Variants in ZDHHC13 observed in about 807,000 individuals in gnomAD.
The protein encoded by ZDHHC13 is zDHHC palmitoyltransferase 13.
ZDHHC13 carries 85 observed loss-of-function variants against 86.0 expected under a neutral mutation model. The ratio of observed to expected loss-of-function variants is 0.99; its 90% confidence interval spans 0.83 to 1.18. The LOEUF is 1.18. ZDHHC13 is among the 50% of genes most tolerant of loss of function. The probability of loss-of-function intolerance (pLI) is 0.00; values close to 1 mark genes in which losing one functional copy is unlikely to be tolerated. For synonymous variants in ZDHHC13, 263 were observed against 246.4 expected (o/e 1.07, Z -0.63); for missense variants, 711 against 730.2 (o/e 0.97, Z 0.30).
At chr11:19,160,069 T>G (rs1849869281) in intron 10 of ZDHHC13, among the ~76,000 whole-genome samples, 1 of 152,042 alleles carries the variant, frequency 6.6e-6, no homozygotes, top group African/African-American at 2.4e-5. Context: ...ATGGGAGACA[T>G]GCATAAACTG....
chr11:19,135,219 G>C (rs4325290), intron 1 of ZDHHC13, among the ~76,000 whole-genome samples: 151,244 of 152,352 alleles, frequency 0.99, 75,085 homozygotes, highest in Middle Eastern at 1. Context: ...GTGCACGCAC[G>C]GTGTGCGAGC....
At chr11:19,159,065 T>C (rs1590085173) in intron 10 of ZDHHC13, 25 bp downstream of exon 10, 2 of 1,485,710 alleles carry the variant, frequency 1.3e-6, no homozygotes, top group Non-Finnish European at 9.1e-7. Flanking sequence ...TCAATTTTGA[T>C]GTGTATCTCA....
At chr11:19,136,471 A>T (rs1394117440) in intron 1 of ZDHHC13, among the ~76,000 whole-genome samples, 3 of 152,230 alleles carry the variant, frequency 2.0e-5, no homozygotes. Flanking sequence ...AGTGACGGGG[A>T]GAATGGAACC....
At chr11:19,169,038 G>A (rs1271951407) in intron 14 of ZDHHC13, 1 of 985,328 alleles carries the variant, frequency 1.0e-6, no homozygotes, top group Non-Finnish European at 1.2e-6. Context: ...GTGTTACATT[G>A]CATAAGATAA....
chr11:19,146,150 A>G, intron 2 of ZDHHC13, 31 bp from the exon 3 acceptor site: 3 of 1,532,970 alleles, frequency 2.0e-6, no homozygotes, highest in Non-Finnish European at 2.6e-6. Context: ...TTTTAATTGT[A>G]TCAATTATGC....
At chr11:19,174,118 A>G (rs1394761663) in intron 16 of ZDHHC13, among the ~76,000 whole-genome samples, 1 of 152,232 alleles carries the variant, frequency 6.6e-6, no homozygotes, top group Non-Finnish European at 1.5e-5. Context: ...GGTATATACC[A>G]TGTTATTTCA....
In ZDHHC13 at chr11:19,152,604, A is replaced by G; in HGVS notation, c.793A>G (p.Ile265Val). 1.2e-6 allele frequency: 2 copies of G among 1,613,166 alleles called. No individual in the cohort carries two copies. ...GGCTCTACAAAACAAAAATCAGCTC[A>G]TTATTCATATGCTAAAAACAGAAGC... ...DMALQNKNQL[I>V]IHMLKTEAKM... is the part of the protein sequence containing the mutation. Residue 265 changes from isoleucine (I) to valine (V), a missense_variant, in exon 8 of 17, where the codon ATT becomes GTT. Coordinates refer to ENST00000446113, the MANE Select transcript of ZDHHC13 (RefSeq NM_019028.3).
intron 2 of ZDHHC13, among the ~76,000 whole-genome samples, chr11:19,144,608 T>G (rs754908779): frequency 1.4e-4 from 22 of 152,144 alleles, no homozygotes; most frequent in Admixed American, 3.3e-4. Flanking sequence ...AAAAATTTAC[T>G]CTTTTAAAAA....
intron 1 of ZDHHC13, among the ~76,000 whole-genome samples, chr11:19,134,326 T>C (rs1273520694): frequency 6.6e-6 from 1 of 151,938 alleles, no homozygotes; most frequent in African/African-American, 2.4e-5. Flanking sequence ...TAAGACTCTG[T>C]CTCTACAAAA....
rs576604931 is a variant in ZDHHC13 at position 19,117,180 on chromosome 11, A to G, written c.-70A>G. 4.0e-6 allele frequency: 6 copies of G among 1,514,330 alleles called. No homozygotes were observed. Among genetic ancestry groups the G allele is most frequent in the African/African-American group, 2.8e-5 (2 of 71,726 alleles). 93.8% of individuals were successfully genotyped at this position (1,514,330 alleles called of 1,614,324 possible). A position where few individuals can be genotyped will look rare whatever the true frequency, so the allele number is the denominator to read the frequency against. ...AGGAAGTGGGAGAAGAGGCGACCCA[A>G]GGCGGGCTGGCGGGCTGGCGGCAGT... is the stretch of plus-strand genomic sequence containing the variant. On this transcript the variant is annotated 5_prime_UTR_variant, in exon 1 of 17. Transcript: ENST00000446113. The surrounding 1 kb of genome is among the most constrained non-coding windows in gnomAD (Gnocchi z 4.2).
chr11:19,168,968 T>A, intron 14 of ZDHHC13: 2 of 985,362 alleles, frequency 2.0e-6, no homozygotes, highest in Non-Finnish European at 2.4e-6. Flanking sequence ...CCTGGAATGA[T>A]GTGAGTTCCC....
intron 1 of ZDHHC13, among the ~76,000 whole-genome samples, chr11:19,138,344 T>C (rs1809807055): frequency 6.6e-6 from 1 of 151,350 alleles, no homozygotes. Context: ...ACACATACAC[T>C]CTCCCAAGAC....
rs766132252 is a variant in ZDHHC13 at position 19,152,203 on chromosome 11, T to G, written c.630T>G (p.Asn210Lys). ...TTTTAAAGTTTAATCCTTCTCTCAA[T>G]GTGGTTGATAAAATACACCAAAACA... is the stretch of plus-strand genomic sequence containing the variant. ...GFLLKFNPSL[N>K]VVDKIHQNTP... Residue 210 changes from asparagine to lysine, a missense_variant, in exon 7 of 17, where the codon AAT becomes AAG. Transcript: ENST00000446113. 2 of 1,613,330 alleles carry G rather than the reference T, an allele frequency of 1.2e-6. No individual in the cohort carries two copies. Among genetic ancestry groups the G allele is most frequent in the South Asian group, 2.2e-5 (2 of 91,026 alleles).
intron 16 of ZDHHC13, 137 bp from the exon 17 acceptor site, chr11:19,175,685 A>G (rs1850344425): frequency 1.1e-6 from 1 of 932,664 alleles, no homozygotes; most frequent in Non-Finnish European, 1.6e-6. Context: ...CCCAGGAACT[A>G]TCTGATCTAC....
Position 19,117,178 on chromosome 11 carries a change from C to G in ZDHHC13, c.-72C>G. The G allele has an allele frequency of 6.6e-7, 1 of 1,510,884 alleles. No homozygotes were observed. Among genetic ancestry groups the G allele is most frequent in the Admixed American group, 2.0e-5 (1 of 50,456 alleles). The allele number at this position is 1,510,884 out of a possible 1,614,324, so 93.6% of individuals were successfully genotyped here. On this transcript the variant is annotated 5_prime_UTR_variant, in exon 1 of 17. Coordinates refer to ENST00000446113, the MANE Select transcript of ZDHHC13 (RefSeq NM_019028.3). This position sits in a 1 kb window ranked among gnomAD's most constrained non-coding sequence, Gnocchi z 4.2. ...GCAGGAAGTGGGAGAAGAGGCGACC[C>G]AAGGCGGGCTGGCGGGCTGGCGGCA...
chr11:19,161,246 A>G (rs185323928), intron 10 of ZDHHC13, among the ~76,000 whole-genome samples: 13 of 152,006 alleles, frequency 8.6e-5, no homozygotes, highest in Non-Finnish European at 2.9e-5. Flanking sequence ...AAGAAGACAA[A>G]ACGATTTTGA....
At chr11:19,166,406 C>T (rs745651219) in intron 14 of ZDHHC13, 21 bp downstream of exon 14, 20 of 1,576,344 alleles carry the variant, frequency 1.3e-5, no homozygotes, top group Non-Finnish European at 1.6e-5. Context: ...ATTTTTCTTA[C>T]AACAAGCACA....
In ZDHHC13 at chr11:19,175,854, T is replaced by C. The variant is rs748694433; in HGVS notation, c.1763T>C (p.Phe588Ser). 1 of 1,613,796 alleles carries C rather than the reference T, an allele frequency of 6.2e-7. No individual in the cohort carries two copies. Among genetic ancestry groups the C allele is most frequent in the Non-Finnish European group, 8.5e-7 (1 of 1,179,792 alleles). ...TTCATGCAGAACCTGGCAGATTTCT[T>C]TCAGTGTGGCTGCTTTGGCTTGGTG... ...LGFMQNLADF[F>S]QCGCFGLVKP... The change falls in exon 17 of 17, where the codon TTT (phenylalanine) becomes TCT (serine). Residue 588 changes from phenylalanine to serine, a missense_variant. Phe to Ser is a radical substitution (Grantham distance 155, BLOSUM62 -2). Coordinates refer to ENST00000446113, the MANE Select transcript of ZDHHC13 (RefSeq NM_019028.3).
chr11:19,152,648 A>G lies in ZDHHC13; in HGVS notation c.837A>G (p.Gln279=), dbSNP rs750466379. 1.7e-5 allele frequency: 28 copies of G among 1,613,296 alleles called. No individual in the cohort carries two copies. The highest frequency in any genetic ancestry group is 2.2e-5 in the East Asian group (1 of 44,860). The change falls in exon 8 of 17, where the codon CAA becomes CAG. Residue 279 remains glutamine, a synonymous_variant. Coordinates refer to ENST00000446113, the MANE Select transcript of ZDHHC13 (RefSeq NM_019028.3). ...LKTEAKMRAN[Q]KFRLWRWLQK... ...CAGAAGCCAAAATGAGAGCCAACCAAAAGTTCAGACTTTGGAGGTGGCTGC... is the reference window on the plus strand; with the variant it reads ...CAGAAGCCAAAATGAGAGCCAACCAGAAGTTCAGACTTTGGAGGTGGCTGC...
Sources: gnomAD v4.1 joint callset for allele counts (sites outside exome capture counted in the v4.1 genomes callset) on GRCh38, gnomAD v4.1.1 for gene constraint, Gnocchi (gnomAD v3.1) non-coding constraint, MANE v1.5 for transcripts, NCBI Gene and HGNC (gene_info 2026-07-23, HGNC 2026-07-21) for gene names.